Variants in NCAM2 observed in about 807,000 individuals in gnomAD.
The protein encoded by NCAM2 is N-CAM-2.
NCAM2 carries 30 observed loss-of-function variants against 98.1 expected under a neutral mutation model. The observed-to-expected ratio is 0.31, with a 90% CI of 0.23 to 0.41. The LOEUF (loss-of-function observed/expected upper bound fraction) is 0.41. Ranked by LOEUF, NCAM2 falls within the 10% of genes least tolerant of loss-of-function variation. The pLI, the probability that NCAM2 is intolerant of heterozygous loss-of-function variation, is 1.00. For synonymous variants in NCAM2, 368 were observed against 342.4 expected, an observed-to-expected ratio of 1.07 and a Z score of -0.83; for missense variants, 867 against 1,005.8, an observed-to-expected ratio of 0.86 and a Z score of 1.87.
At chr21:21,535,768 A>G (rs531785747) in intron 17 of NCAM2, among the ~76,000 whole-genome samples, 5 of 152,218 alleles carry the variant, frequency 3.3e-5, no homozygotes, top group East Asian at 3.9e-4. Flanking sequence ...GGACCAGGCT[A>G]TATTTTGGGA....
At chr21:21,534,964 G>A (rs936650244) in intron 17 of NCAM2, among the ~76,000 whole-genome samples, 1 of 152,152 alleles carries the variant, frequency 6.6e-6, no homozygotes, top group South Asian at 2.1e-4. Context: ...TTAAGATAGT[G>A]TTGTTTTCTC....
At chr21:21,105,627 AC>A (rs1271417128) in intron 1 of NCAM2, among the ~76,000 whole-genome samples, 9 of 152,190 alleles carry the variant, frequency 5.9e-5, no homozygotes, top group Non-Finnish European at 8.8e-5. Context: ...ATTGGCAAAA[AC>A]ATTAATAATA....
At chr21:21,465,207 C>A (rs1220098772) in intron 12 of NCAM2, among the ~76,000 whole-genome samples, 1 of 151,648 alleles carries the variant, frequency 6.6e-6, no homozygotes, top group Non-Finnish European at 1.5e-5. Flanking sequence ...TATATTTTTT[C>A]TTTTAATTTT....
intron 1 of NCAM2, among the ~76,000 whole-genome samples, chr21:21,153,295 C>G (rs762350532): frequency 6.7e-6 from 1 of 150,068 alleles, no homozygotes; most frequent in African/African-American, 2.5e-5. Flanking sequence ...GTTTAAATGT[C>G]ATTTTTTTTT....
intron 13 of NCAM2, 35 bp from the exon 14 acceptor site, chr21:21,468,627 T>C: frequency 6.4e-7 from 1 of 1,572,174 alleles, no homozygotes; most frequent in Non-Finnish European, 8.7e-7. Flanking sequence ...ATCTGAAATG[T>C]GTGCAAATGA....
At chr21:21,208,007 A>G (rs1001396310) in intron 1 of NCAM2, among the ~76,000 whole-genome samples, 7 of 152,166 alleles carry the variant, frequency 4.6e-5, no homozygotes, top group African/African-American at 1.7e-4. Flanking sequence ...TCCAACTTAA[A>G]TAAACAAAAC....
chr21:21,179,759 C>A (rs928623066), intron 1 of NCAM2, among the ~76,000 whole-genome samples: 1 of 152,158 alleles, frequency 6.6e-6, no homozygotes, highest in African/African-American at 2.4e-5. Context: ...AGATGTAGGA[C>A]GTCATGGATT....
In NCAM2 at chr21:21,542,558, T is replaced by C. The variant is rs1990273659; in HGVS notation, c.*4601T>C. 6.6e-6 allele frequency: 1 copy of C among 151,872 alleles called. No homozygotes were observed. Among genetic ancestry groups the C allele is most frequent in the Admixed American group, 6.6e-5 (1 of 15,168 alleles). 9.4% of individuals were successfully genotyped at this position (151,872 alleles called of 1,614,324 possible). On this transcript the variant is annotated 3_prime_UTR_variant, in exon 18 of 18. Transcript: ENST00000400546. Reference sequence around the variant, plus strand: ...TTTCTGAAATGAAAACATGAATCTTTTGGCATCTGTTTTTAGCCTCCCATG... The same window carrying C: ...TTTCTGAAATGAAAACATGAATCTTCTGGCATCTGTTTTTAGCCTCCCATG...
At chr21:21,090,418 T>A (rs181255065) in intron 1 of NCAM2, among the ~76,000 whole-genome samples, 80 of 152,262 alleles carry the variant, frequency 5.3e-4, no homozygotes, top group African/African-American at 1.9e-3. Context: ...TGAATATGAA[T>A]ATGGACAGTT....
chr21:21,022,442 T>A (rs1285398924), intron 1 of NCAM2, among the ~76,000 whole-genome samples: 1 of 152,082 alleles, frequency 6.6e-6, no homozygotes, highest in Non-Finnish European at 1.5e-5. Flanking sequence ...TATTTTAATT[T>A]TTGCATGGCT....
At chr21:21,170,681 G>A (rs1460359711) in intron 1 of NCAM2, among the ~76,000 whole-genome samples, 1 of 152,066 alleles carries the variant, frequency 6.6e-6, no homozygotes, top group Non-Finnish European at 1.5e-5. Context: ...CTTAAGTGGT[G>A]GAAACACATG....
At chr21:21,175,986 T>C (rs1156812556) in intron 1 of NCAM2, among the ~76,000 whole-genome samples, 1 of 152,212 alleles carries the variant, frequency 6.6e-6, no homozygotes, top group Non-Finnish European at 1.5e-5. Context: ...AATGCCTGCA[T>C]TAACTTTCAC....
chr21:21,442,820 C>A (rs1979497195), intron 12 of NCAM2, among the ~76,000 whole-genome samples: 1 of 152,004 alleles, frequency 6.6e-6, no homozygotes, highest in South Asian at 2.1e-4. Flanking sequence ...TGTGTTATGG[C>A]ACTACTAAAA....
At chr21:21,193,432 A>G (rs1045917435) in intron 1 of NCAM2, among the ~76,000 whole-genome samples, 1 of 152,046 alleles carries the variant, frequency 6.6e-6, no homozygotes, top group African/African-American at 2.4e-5. Context: ...GGGAAAACAA[A>G]AGTGAAAAAC....
intron 15 of NCAM2, among the ~76,000 whole-genome samples, chr21:21,504,337 A>T (rs1423143395): frequency 6.6e-6 from 1 of 151,942 alleles, no homozygotes; most frequent in African/African-American, 2.4e-5. Context: ...TTACCATAAA[A>T]TTTACACCAT....
chr21:21,399,435 G>C (rs2076581689), intron 9 of NCAM2, among the ~76,000 whole-genome samples: 1 of 152,088 alleles, frequency 6.6e-6, no homozygotes, highest in Non-Finnish European at 1.5e-5. Flanking sequence ...AGAGTATTAT[G>C]ACTGGAAAAG....
intron 1 of NCAM2, among the ~76,000 whole-genome samples, chr21:21,245,352 T>C (rs190668236): frequency 1.3e-4 from 20 of 152,300 alleles, no homozygotes; most frequent in Admixed American, 1.3e-3. Flanking sequence ...CATATGTGAG[T>C]GATTGCATAT....
chr21:21,112,265 T>C (rs1323129417), intron 1 of NCAM2, among the ~76,000 whole-genome samples: 2 of 152,220 alleles, frequency 1.3e-5, no homozygotes, highest in African/African-American at 4.8e-5. Context: ...TTCCTTTTTC[T>C]CTGAGACATA....
chr21:21,146,991 C>T (rs1687596769), intron 1 of NCAM2: 1 of 696,948 alleles, frequency 1.4e-6, no homozygotes, highest in Admixed American at 7.4e-5. Flanking sequence ...CCGCTGCCTT[C>T]TACTCCAGCA....
Sources: gnomAD v4.1 joint callset for allele counts (sites outside exome capture counted in the v4.1 genomes callset) on GRCh38, gnomAD v4.1.1 for gene constraint, MANE v1.5 for transcripts, NCBI Gene and HGNC (gene_info 2026-07-23, HGNC 2026-07-21) for gene names.